Variants in SEC31B observed in about 807,000 individuals in gnomAD.
SEC31B encodes the protein SEC31 homolog B, COPII component, also known as protein transport protein Sec31B.
In SEC31B, 113 loss-of-function variants were observed where a neutral mutation model predicts 135.0. The ratio of observed to expected loss-of-function variants is 0.84; its 90% CI spans 0.72 to 0.98. The LOEUF is 0.98. Among genes scored for constraint, SEC31B ranks in the 50% least tolerant of loss-of-function variants. SEC31B has a pLI of 0.00. For missense variants in SEC31B, 1,296 were observed against 1,421.1 expected (o/e 0.91, Z 1.42); for synonymous variants, 508 against 549.4 (o/e 0.92, Z 1.05).
Position 100,502,472 on chromosome 10 carries a change from G to A in SEC31B, c.1192C>T (p.Leu398=), listed in dbSNP as rs762062667. 1.2e-6 allele frequency: 2 copies of A among 1,612,788 alleles called. No individual in the cohort carries two copies. The highest frequency in any genetic ancestry group is 3.3e-5 in the Admixed American group (2 of 59,972). Residue 398 remains leucine (L), a synonymous_variant, in exon 11 of 26, where the codon CTG becomes TTG. Transcript: ENST00000370345. ...TGVSFAFGGK[L]VTFGLPSTPA... ...GTGCTGGGGAGGCCAAAAGTAACCA[G>A]CTTCCCTCCAAACTGGTGAGGAAAA...
At chr10:100,500,241 G>C (rs542874587) in intron 11 of SEC31B, 1 of 456,214 alleles carries the variant, frequency 2.2e-6, no homozygotes, top group South Asian at 1.5e-5. Flanking sequence ...ACCCTGCTGT[G>C]GTCCCTATCC....
chr10:100,499,476 CTTCTT>C (rs1203074698), intron 12 of SEC31B, 43 bp downstream of exon 12: 3 of 1,473,226 alleles, frequency 2.0e-6, no homozygotes, highest in African/African-American at 2.8e-5. Context: ...GCAACATTCT[CTTCTT>C]CTCTTCAACA....
At chr10:100,510,165 C>T (rs552623080) in intron 3 of SEC31B, among the ~76,000 whole-genome samples, 1 of 152,288 alleles carries the variant, frequency 6.6e-6, no homozygotes. Context: ...ATACTGTCTC[C>T]TATTGAGAGA....
At chr10:100,493,853 C>A (rs904629019) in intron 19 of SEC31B, among the ~76,000 whole-genome samples, 1 of 151,954 alleles carries the variant, frequency 6.6e-6, no homozygotes, top group Non-Finnish European at 1.5e-5. Context: ...GATGCCGACA[C>A]GGGGCGGGGT....
In SEC31B at chr10:100,507,410, C is replaced by T. The variant is rs944143418; in HGVS notation, c.782+15G>A. The stretch of plus-strand genomic sequence containing the variant: ...ACCATCCCCCCAAGGATATGGATGA[C>T]GTCTGAGATGCTACCTGCTGTGGCT... On this transcript the variant is annotated intron_variant, in intron 7 of 25. Coordinates refer to ENST00000370345, the MANE Select transcript of SEC31B (RefSeq NM_015490.4). 7.4e-6 allele frequency: 12 copies of T among 1,614,028 alleles called. No homozygotes were observed. The highest frequency in any genetic ancestry group is 1.7e-5 in the Admixed American group (1 of 59,994).
At position 100,498,477 on chromosome 10, in the gene SEC31B, A is replaced by C. The variant is rs1312625678; in HGVS notation, c.1684+228T>G. On this transcript the variant is annotated intron_variant, in intron 14 of 25. Coordinates refer to ENST00000370345, the MANE Select transcript of SEC31B (RefSeq NM_015490.4). ...TGGGCAGGGCCACAGTCCTTTCAGCAAGAAGGATAGAAGAAAATCTGTTGG... is the reference window on the plus strand; with the variant it reads ...TGGGCAGGGCCACAGTCCTTTCAGCCAGAAGGATAGAAGAAAATCTGTTGG... The C allele has an allele frequency of 8.3e-6, 5 of 602,496 alleles. No individual in the cohort carries two copies. In the East Asian group the frequency reaches 1.4e-4, roughly 17 times the overall value. 37.3% of individuals were successfully genotyped at this position (602,496 alleles called of 1,614,324 possible).
At chr10:100,488,388 G>A (rs1206607415) in intron 24 of SEC31B, among the ~76,000 whole-genome samples, 1 of 150,526 alleles carries the variant, frequency 6.6e-6, no homozygotes, top group Non-Finnish European at 1.5e-5. Context: ...GAACCCGGGA[G>A]GCAGAGCTTG....
chr10:100,510,108 AAGTC>A (rs1851712266), intron 3 of SEC31B, among the ~76,000 whole-genome samples: 1 of 152,250 alleles, frequency 6.6e-6, no homozygotes, highest in Middle Eastern at 3.2e-3. Flanking sequence ...TCAAGGTTCA[AAGTC>A]AGGCCCATCT....
Position 100,487,403 on chromosome 10 carries a change from G to A in SEC31B, c.*213C>T, listed in dbSNP as rs1351011617. 1 of 575,946 alleles carries A rather than the reference G, an allele frequency of 1.7e-6. No homozygotes were observed. The highest frequency in any genetic ancestry group is 3.1e-6 in the Non-Finnish European group (1 of 324,086). 35.7% of individuals were successfully genotyped at this position (575,946 alleles called of 1,614,324 possible). On this transcript the variant is annotated 3_prime_UTR_variant, in exon 26 of 26. Coordinates refer to ENST00000370345, the MANE Select transcript of SEC31B (RefSeq NM_015490.4). ...GATTCTATGCCCTGCCTCCAGGCCTGAGAGTGTCTTGGACAGATCCTAGAA... is the reference window on the plus strand; with the variant it reads ...GATTCTATGCCCTGCCTCCAGGCCTAAGAGTGTCTTGGACAGATCCTAGAA...
rs1241623842 is a variant in SEC31B, at chr10:100,488,918, C to T, written c.3228G>A (p.Gln1076=). The T allele has an allele frequency of 6.2e-7, 1 of 1,611,856 alleles. No homozygotes were observed. The highest frequency in any genetic ancestry group is 8.5e-7 in the Non-Finnish European group (1 of 1,179,266). ...MERKELPPEH[Q]SLKSSFEALL... is the part of the protein sequence containing the mutation. ...GCGCCTCAAAGCTGCTCTTCAAGGA[C>T]TGATGCTCTGGGGGCAGCTCCTTCC... Residue 1076 remains glutamine (Q), a synonymous_variant, in exon 24 of 26, where the codon CAG becomes CAA. Transcript: ENST00000370345.
At chr10:100,517,670 G>A (rs1188668841) in intron 1 of SEC31B, among the ~76,000 whole-genome samples, 1 of 152,150 alleles carries the variant, frequency 6.6e-6, no homozygotes, top group African/African-American at 2.4e-5. Flanking sequence ...ATGGGGGAGG[G>A]AACTCCCATT....
chr10:100,489,669 G>T (rs748926140), intron 22 of SEC31B, 34 bp downstream of exon 22: 2 of 1,613,962 alleles, frequency 1.2e-6, no homozygotes, highest in Admixed American at 1.7e-5. Flanking sequence ...ATTGGTGAAT[G>T]TGCGAGGGAG....
intron 17 of SEC31B, 37 bp downstream of exon 17, chr10:100,497,098 G>A: frequency 6.2e-7 from 1 of 1,606,268 alleles, no homozygotes; most frequent in South Asian, 1.1e-5. Context: ...CTAAGGGCCT[G>A]GTGTGGAGTG....
intron 1 of SEC31B, among the ~76,000 whole-genome samples, chr10:100,517,878 A>T (rs190317085): frequency 1.3e-5 from 2 of 152,054 alleles, no homozygotes; most frequent in East Asian, 3.9e-4. Context: ...CTTCTCCCTC[A>T]TTCTCTTCTA....
chr10:100,489,284 G>T lies in SEC31B; in HGVS notation c.3139C>A (p.Pro1047Thr), dbSNP rs531498743. 7.4e-6 allele frequency: 12 copies of T among 1,612,180 alleles called. No individual in the cohort carries two copies. Among genetic ancestry groups the T allele is most frequent in the South Asian group, 4.4e-5 (4 of 90,674 alleles). ...CTGAGTTCTCCTGGAACTCCTGGGG[G>T]AGCATGACTCACACTGGAGACAGGG... ...QPPVSSVSHA[P>T]PGVPGELSLQ... Residue 1047 changes from proline to threonine, a missense_variant, in exon 23 of 26, where the codon CCC (proline) becomes ACC (threonine). By Grantham distance (38) the Pro-to-Thr change is conservative. Transcript: ENST00000370345.
intron 11 of SEC31B, 148 bp from the exon 12 acceptor site, chr10:100,499,746 T>C (rs1321971633): frequency 3.2e-6 from 2 of 622,884 alleles, no homozygotes; most frequent in Non-Finnish European, 5.6e-6. Context: ...CCATCTCTTT[T>C]TCCTCCCTGG....
At position 100,507,455 on chromosome 10, in the gene SEC31B, G is replaced by A. The variant is rs759847086; in HGVS notation, c.752C>T (p.Ser251Leu). ...GTGGCTCTCCAGCACCTTCAAGGGC[G>A]AGGAGGCAAAGCGCAAGTCCCACAG... ...IQLWDLRFAS[S>L]PLKVLESHSR... Residue 251 changes from serine to leucine, a missense_variant, in exon 7 of 26, where the codon TCG becomes TTG. Physicochemically the swap from Ser to Leu is moderately radical, Grantham distance 145. Transcript: ENST00000370345. 46 of 1,614,104 alleles carry A rather than the reference G, an allele frequency of 2.8e-5. No homozygotes were observed. The highest frequency in any genetic ancestry group is 3.2e-5 in the Non-Finnish European group (38 of 1,180,044).
chr10:100,506,092 T>A lies in SEC31B; in HGVS notation c.992A>T (p.Tyr331Phe). 6.2e-7 allele frequency: 1 copy of A among 1,614,026 alleles called. No individual in the cohort carries two copies. Among genetic ancestry groups the A allele is most frequent in the Non-Finnish European group, 8.5e-7 (1 of 1,179,994 alleles). ...TTCCCAGCTCCTACCCATCACAGAG[T>A]ACAAACTGATCCAGCCGTTGAAGGA... Reference protein sequence around the residue: ...AASFNGWISLYSVMGRSWEVQ... With the variant: ...AASFNGWISLFSVMGRSWEVQ... The change falls in exon 9 of 26, where the codon TAC becomes TTC. Residue 331 changes from tyrosine (Y) to phenylalanine (F), a missense_variant. Tyr to Phe is a conservative substitution (Grantham distance 22). Transcript: ENST00000370345.
At chr10:100,504,446 G>C (rs1280124578) in intron 10 of SEC31B, among the ~76,000 whole-genome samples, 2 of 152,172 alleles carry the variant, frequency 1.3e-5, no homozygotes. Context: ...CTGGGAGCCT[G>C]CTGAAAAATC....
Sources: gnomAD v4.1 joint callset for allele counts (sites outside exome capture counted in the v4.1 genomes callset) on GRCh38, gnomAD v4.1.1 for gene constraint, MANE v1.5 for transcripts, NCBI Gene and HGNC (gene_info 2026-07-23, HGNC 2026-07-21) for gene names.